The following PTPRN2 variants were observed in gnomAD, a reference collection of about 807,000 sequenced individuals.
The protein encoded by PTPRN2 is protein tyrosine phosphatase receptor type N2.
Under a neutral mutation model 118.8 loss-of-function variants are expected in PTPRN2, and 74 were observed. The observed-to-expected ratio is 0.62, with a 90% CI of 0.52 to 0.76. PTPRN2 has a LOEUF of 0.76. Ranked by LOEUF, PTPRN2 falls within the 30% of genes least tolerant of loss-of-function variation. The pLI is 0.00. For missense variants in PTPRN2, 1,481 were observed against 1,394.4 expected (o/e 1.06, Z -0.99); for synonymous variants, 641 against 608.0 (o/e 1.05, Z -0.80).
intron 6 of PTPRN2, among the ~76,000 whole-genome samples, chr7:158,150,680 G>A (rs1284270005): frequency 6.6e-6 from 1 of 152,016 alleles, no homozygotes; most frequent in Non-Finnish European, 1.5e-5. Flanking sequence ...GGTCACTGAG[G>A]TGAGATCTGT....
intron 6 of PTPRN2, among the ~76,000 whole-genome samples, chr7:158,143,824 G>C (rs1194503046): frequency 6.6e-6 from 1 of 152,160 alleles, no homozygotes; most frequent in Non-Finnish European, 1.5e-5. Flanking sequence ...AAGGACAAAA[G>C]GACTCTCCAC....
At chr7:158,188,161 T>TGGGAAGGCCGCCACGCTCGCCCCGCGATG (rs1554576280) in intron 5 of PTPRN2, among the ~76,000 whole-genome samples, 4,298 of 109,904 alleles carry the variant, frequency 0.039, 973 homozygotes, top group African/African-American at 0.055. Flanking sequence ...CCCCCTGTAC[T>TGGGAAGGCCGCCACGCTCGCCCCGCGATG]GGGAAGGCCG....
intron 13 of PTPRN2, among the ~76,000 whole-genome samples, chr7:157,663,743 T>G (rs927273631): frequency 6.6e-6 from 1 of 152,268 alleles, no homozygotes. Context: ...GAGAAAGCAC[T>G]GAGGGGCATC....
intron 4 of PTPRN2, among the ~76,000 whole-genome samples, chr7:158,198,616 TTTAGCATGATCCCTGGTTCTCTTTAGCCA>T (rs1308741367): frequency 1.3e-5 from 2 of 152,224 alleles, no homozygotes; most frequent in East Asian, 1.9e-4. Context: ...CTCAGGAGCA[TTTAGCATGATCCCTGGTTCTCTTTAGCCA>T]TTAGCATGAT....
intron 12 of PTPRN2, among the ~76,000 whole-genome samples, chr7:157,718,119 TA>T (rs1438719528): frequency 6.6e-6 from 1 of 152,210 alleles, no homozygotes; most frequent in African/African-American, 2.4e-5. Flanking sequence ...TAAACCATTA[TA>T]TAGAGGAGGG....
intron 12 of PTPRN2, among the ~76,000 whole-genome samples, chr7:157,745,473 GGGCAGGCTCAGGGA>G (rs1388581969): frequency 6.6e-6 from 1 of 152,036 alleles, no homozygotes; most frequent in Non-Finnish European, 1.5e-5. Context: ...CTCAGGGACA[GGGCAGGCTCAGGGA>G]GGCAGGCTGG....
chr7:158,248,983 C>G (rs959167270), intron 3 of PTPRN2, among the ~76,000 whole-genome samples: 4 of 152,018 alleles, frequency 2.6e-5, no homozygotes, highest in African/African-American at 9.7e-5. Flanking sequence ...GCACACCACA[C>G]ATATGCACAC....
chr7:158,022,273 C>T lies in PTPRN2; in HGVS notation c.1723+59025G>A, dbSNP rs539965448. ...TGCTGACCCTACAGCATGATGACTC[C>T]GTTTCCTACACGGTTCCGAGCGTTT... On this transcript the variant is annotated intron_variant, in intron 11 of 22. Transcript: ENST00000389418. The surrounding 1 kb of genome is among the most constrained non-coding windows in gnomAD (Gnocchi z 4.6). 8.7e-4 allele frequency among the ~76,000 whole-genome samples: 133 copies of T among 152,338 alleles called. No individual in the cohort carries two copies. Among genetic ancestry groups the T allele is most frequent in the African/African-American group, 5.1e-4 (21 of 41,578 alleles).
At chr7:158,076,422 G>A (rs1396856328) in intron 11 of PTPRN2, among the ~76,000 whole-genome samples, 4 of 152,220 alleles carry the variant, frequency 2.6e-5, no homozygotes, top group African/African-American at 9.6e-5. Flanking sequence ...GGAGTCAGAT[G>A]AGGAACGTCT....
At chr7:158,317,435 G>A (rs1044284047) in intron 2 of PTPRN2, among the ~76,000 whole-genome samples, 2 of 152,356 alleles carry the variant, frequency 1.3e-5, no homozygotes, top group African/African-American at 2.4e-5. Context: ...TTCCGGCGGC[G>A]CAGGAGAGGC....
rs189472354 is a variant in PTPRN2, at chr7:158,327,828, C to T, written c.164-10896G>A. On this transcript the variant is annotated intron_variant, in intron 2 of 22. Transcript: ENST00000389418. The stretch of plus-strand genomic sequence containing the variant: ...GGACACTGGAGCTGCCTCTGAAGTC[C>T]CCTCCCTGCAGGGAGCTGGCAGCGT... Among the ~76,000 whole-genome samples, 972 of 152,300 alleles carry T rather than the reference C, an allele frequency of 6.4e-3. 11 individuals carry two copies. Among genetic ancestry groups the T allele is most frequent in the Non-Finnish European group, 7.3e-3 (495 of 68,024 alleles).
At chr7:158,247,257 G>T (rs13234960) in intron 3 of PTPRN2, among the ~76,000 whole-genome samples, 1 of 152,230 alleles carries the variant, frequency 6.6e-6, no homozygotes, top group Non-Finnish European at 1.5e-5. Context: ...CTGGCCAAGA[G>T]GGGTGGAGGA....
chr7:158,206,874 C>T (rs997170162), intron 3 of PTPRN2, among the ~76,000 whole-genome samples: 29 of 149,572 alleles, frequency 1.9e-4, no homozygotes, highest in African/African-American at 6.2e-4. Flanking sequence ...TAGTTACATA[C>T]GTATACATGT....
intron 21 of PTPRN2, among the ~76,000 whole-genome samples, chr7:157,554,380 T>C (rs13309518): frequency 1.1e-5 from 1 of 94,668 alleles, no homozygotes; most frequent in East Asian, 4.0e-4. Context: ...TGCCCGCTCT[T>C]GTGCCCTCCT....
intron 14 of PTPRN2, among the ~76,000 whole-genome samples, chr7:157,652,312 G>A (rs1037431860): frequency 1.6e-4 from 25 of 152,146 alleles, no homozygotes; most frequent in Admixed American, 1.0e-3. Flanking sequence ...CAGGATGGGC[G>A]GCATCTCAGA....
chr7:157,599,805 TAA>T (rs1432376190), intron 16 of PTPRN2, among the ~76,000 whole-genome samples: 2 of 152,006 alleles, frequency 1.3e-5, no homozygotes, highest in African/African-American at 4.8e-5. Flanking sequence ...GCACAGAGAA[TAA>T]GCACACACCT....
chr7:158,362,976 G>A (rs1189312435), intron 2 of PTPRN2, among the ~76,000 whole-genome samples: 1 of 152,150 alleles, frequency 6.6e-6, no homozygotes, highest in African/African-American at 2.4e-5. Context: ...CGCAATTCAG[G>A]CCACCATGTT....
chr7:157,832,003 C>G (rs1196770344), intron 12 of PTPRN2, among the ~76,000 whole-genome samples: 1 of 152,106 alleles, frequency 6.6e-6, no homozygotes, highest in African/African-American at 2.4e-5. Flanking sequence ...TGCTGATGGC[C>G]CTGAGGGGTC....
chr7:157,940,376 A>G (rs1799973587), intron 11 of PTPRN2, among the ~76,000 whole-genome samples: 3 of 152,174 alleles, frequency 2.0e-5, no homozygotes, highest in South Asian at 4.1e-4. Context: ...ACTCTGTGAC[A>G]TTGAAATACT....
Sources: gnomAD v4.1 joint callset for allele counts (sites outside exome capture counted in the v4.1 genomes callset) on GRCh38, gnomAD v4.1.1 for gene constraint, Gnocchi (gnomAD v3.1) non-coding constraint, MANE v1.5 for transcripts, NCBI Gene and HGNC (gene_info 2026-07-23, HGNC 2026-07-21) for gene names.